The following SAMD4B variants were observed in gnomAD, a reference collection of about 807,000 sequenced individuals.
SAMD4B encodes sterile alpha motif domain containing 4B, also known as protein Smaug homolog 2.
SAMD4B carries 5 observed loss-of-function variants against 74.5 expected under a neutral mutation model. That is an observed-to-expected ratio of 0.07 (90% CI 0.04 to 0.14). The LOEUF is 0.14. SAMD4B is among the 10% of genes least tolerant of loss of function. The pLI is 1.00. For synonymous variants in SAMD4B, 373 were observed against 374.9 expected, an observed-to-expected ratio of 1.00 and a Z score of 0.06; for missense variants, 608 against 921.8, an observed-to-expected ratio of 0.66 and a Z score of 4.41.
downstream of SAMD4B, chr19:39,390,697 C>G: frequency 9.5e-7 from 1 of 1,050,012 alleles, no homozygotes; most frequent in Non-Finnish European, 1.4e-6. Flanking sequence ...GGAACCCGCC[C>G]CCTTCGTCAA....
At chr19:39,365,318 C>G (rs989571661) in intron 3 of SAMD4B, among the ~76,000 whole-genome samples, 3 of 151,660 alleles carry the variant, frequency 2.0e-5, no homozygotes, top group Non-Finnish European at 2.9e-5. Flanking sequence ...CTTTGGGAGG[C>G]CGAGGCAGGT....
At position 39,367,195 on chromosome 19, in the gene SAMD4B, T is replaced by C. The variant is rs533177125; in HGVS notation, c.197-2460T>C. Among the ~76,000 whole-genome samples the C allele has an allele frequency of 1.5e-4, 23 of 152,296 alleles. No homozygotes were observed. In the East Asian group the frequency reaches 3.7e-3, roughly 24 times the overall value. ...ATATGCCACATCTCTGCCTATTCCTTTTCATCACCCACTCCTTTGGGGTCC... is the reference window on the plus strand; with the variant it reads ...ATATGCCACATCTCTGCCTATTCCTCTTCATCACCCACTCCTTTGGGGTCC... On this transcript the variant is annotated intron_variant, in intron 3 of 13. Coordinates refer to ENST00000610417, the MANE Select transcript of SAMD4B (RefSeq NM_001384574.2).
chr19:39,380,703 G>T lies in SAMD4B; in HGVS notation c.1766G>T (p.Gly589Val). ...CGGGCCCTCCCACCCGGCCGGATGG[G>T]CCTCCTGAGCCCCTCGGGCATTGGG... ...PPRALPPGRM[G>V]LLSPSGIGGV... The change falls in exon 11 of 14, where the codon GGC (glycine) becomes GTC (valine). Residue 589 changes from glycine to valine, a missense_variant. Physicochemically the swap from Gly to Val is moderately radical, Grantham distance 109 (BLOSUM62 -3). This residue lies in a region of SAMD4B where 167 missense variants were observed against 193.0 expected (regional missense o/e 0.87). Coordinates refer to ENST00000610417, the MANE Select transcript of SAMD4B (RefSeq NM_001384574.2). 1 of 1,612,212 alleles carries T rather than the reference G, an allele frequency of 6.2e-7. No homozygotes were observed. The highest frequency in any genetic ancestry group is 8.5e-7 in the Non-Finnish European group (1 of 1,179,386).
chr19:39,378,235 C>T lies in SAMD4B; in HGVS notation c.1445-269C>T, dbSNP rs1332009869. On this transcript the variant is annotated intron_variant, in intron 8 of 13. Coordinates refer to ENST00000610417, the MANE Select transcript of SAMD4B (RefSeq NM_001384574.2). This position sits in a 1 kb window ranked among gnomAD's most constrained non-coding sequence, Gnocchi z 4.4. ...GCAGACTTTACACTTGGATCCAGAT[C>T]AGTCTAGATCTGGATCTGGACCTGA... Among the ~76,000 whole-genome samples the T allele has an allele frequency of 2.0e-5, 3 of 152,164 alleles. No individual in the cohort carries two copies. The highest frequency in any genetic ancestry group is 4.8e-5 in the African/African-American group (2 of 41,440).
chr19:39,361,881 C>G (rs1432787380), intron 3 of SAMD4B, among the ~76,000 whole-genome samples: 1 of 151,482 alleles, frequency 6.6e-6, no homozygotes, highest in African/African-American at 2.4e-5. Flanking sequence ...GATCCGAGAT[C>G]GCACCACTGC....
downstream of SAMD4B, among the ~76,000 whole-genome samples, chr19:39,387,864 G>T (rs540087436): frequency 6.6e-6 from 1 of 152,218 alleles, no homozygotes; most frequent in East Asian, 1.9e-4. Flanking sequence ...CTGGCTGGGC[G>T]TGGTGGCTCA....
chr19:39,377,860 G>T, intron 8 of SAMD4B, 36 bp downstream of exon 8: 2 of 1,537,964 alleles, frequency 1.3e-6, no homozygotes, highest in Non-Finnish European at 8.8e-7. Flanking sequence ...AAATCCTGAG[G>T]CAGAAAGCCA....
rs528409016 is a variant in SAMD4B, at chr19:39,365,434, A to G, written c.197-4221A>G. Among the ~76,000 whole-genome samples, 70 of 152,072 alleles carry G rather than the reference A, an allele frequency of 4.6e-4. No homozygotes were observed. In the East Asian group the frequency reaches 0.012, roughly 26 times the overall value. On this transcript the variant is annotated intron_variant, in intron 3 of 13. Transcript: ENST00000610417. ...CCAGGTGTGGTGGCGTGCGCCTGTA[A>G]TCCCAGCTACTGGTGGGGGCTGAGG... is the stretch of plus-strand genomic sequence containing the variant.
chr19:39,385,789 C>T (rs530775880), downstream of SAMD4B: 829 of 717,068 alleles, frequency 1.2e-3, 12 homozygotes, highest in South Asian at 0.016. Flanking sequence ...GATCCTTGAG[C>T]ACCTGGGGGT....
At chr19:39,370,831 G>A (rs1018424552) in intron 4 of SAMD4B, among the ~76,000 whole-genome samples, 4 of 152,210 alleles carry the variant, frequency 2.6e-5, no homozygotes, top group Non-Finnish European at 5.9e-5. Flanking sequence ...ATCTCAGTCC[G>A]CATCACAACC....
rs188956486 is a variant in SAMD4B at position 39,356,859 on chromosome 19, C to G, written c.-35C>G. 21 of 1,567,144 alleles carry G rather than the reference C, an allele frequency of 1.3e-5. No homozygotes were observed. The African/African-American group carries it at 2.6e-4, about 19-fold the overall frequency. ...ATGTGACGGCGCTGGCCCTCGCCAC[C>G]GCCGTCCCCCGACCCTGGCCCCAGG... On this transcript the variant is annotated 5_prime_UTR_variant, in exon 3 of 14. Coordinates refer to ENST00000610417, the MANE Select transcript of SAMD4B (RefSeq NM_001384574.2).
In SAMD4B at chr19:39,378,297, G is replaced by A. The variant is rs1448587482; in HGVS notation, c.1445-207G>A. On this transcript the variant is annotated intron_variant, in intron 8 of 13. Transcript: ENST00000610417. This position sits in a 1 kb window ranked among gnomAD's most constrained non-coding sequence, Gnocchi z 4.4. Reference sequence around the variant, plus strand: ...CAACTCTGAGCTTTAGGTTTCTAAGGCTAAAAATGTGTGTAGTGACAAGAT... The same window carrying A: ...CAACTCTGAGCTTTAGGTTTCTAAGACTAAAAATGTGTGTAGTGACAAGAT... 6.6e-6 allele frequency among the ~76,000 whole-genome samples: 1 copy of A among 152,184 alleles called. No homozygotes were observed. The highest frequency in any genetic ancestry group is 1.5e-5 in the Non-Finnish European group (1 of 68,034).
At chr19:39,372,093 A>G (rs964821603) in intron 4 of SAMD4B, among the ~76,000 whole-genome samples, 8 of 152,106 alleles carry the variant, frequency 5.3e-5, no homozygotes, top group African/African-American at 1.9e-4. Flanking sequence ...GCAGCCATTA[A>G]AGGATGAAGA....
chr19:39,379,355 CTG>C (rs2077810298), intron 9 of SAMD4B, among the ~76,000 whole-genome samples: 1 of 152,340 alleles, frequency 6.6e-6, no homozygotes, highest in Non-Finnish European at 1.5e-5. Context: ...CACCCCTCAG[CTG>C]TCAGTTCAAA....
chr19:39,350,008 C>G (rs775786562), intron 1 of SAMD4B: 4 of 152,222 alleles, frequency 2.6e-5, no homozygotes. Context: ...CTTAACTTCT[C>G]TGTGCCTCAG....
chr19:39,365,178 A>ACAG, intron 3 of SAMD4B, among the ~76,000 whole-genome samples: 1 of 149,426 alleles, frequency 6.7e-6, no homozygotes, highest in African/African-American at 2.5e-5. Context: ...CCCAGGAGGC[A>ACAG]GAGCTTGCAG....
At chr19:39,386,107 G>T (rs147646603), downstream of SAMD4B, 2 of 1,614,004 alleles carry the variant, frequency 1.2e-6, no homozygotes, top group Admixed American at 1.7e-5. The surrounding 1 kb of genome is among the most constrained non-coding windows in gnomAD (Gnocchi z 6.1). Flanking sequence ...CTGTGGCTCC[G>T]GCTCCGCTGG....
chr19:39,373,635 A>C (rs2077430170), intron 4 of SAMD4B, among the ~76,000 whole-genome samples: 1 of 152,166 alleles, frequency 6.6e-6, no homozygotes, highest in South Asian at 2.1e-4. Context: ...CTGGGAGCTC[A>C]TGGGAACCTG....
chr19:39,376,868 C>T, intron 7 of SAMD4B, 77 bp downstream of exon 7: 1 of 1,231,254 alleles, frequency 8.1e-7, no homozygotes, highest in Non-Finnish European at 1.2e-6. Context: ...CCTGAGTTGG[C>T]CTCCAGACTC....
Sources: gnomAD v4.1 joint callset for allele counts (sites outside exome capture counted in the v4.1 genomes callset) on GRCh38, gnomAD v4.1.1 for gene constraint, gnomAD v4.1.1 regional missense constraint, Gnocchi (gnomAD v3.1) non-coding constraint, MANE v1.5 for transcripts, NCBI Gene and HGNC (gene_info 2026-07-23, HGNC 2026-07-21) for gene names.